The following THRAP3 variants were observed in gnomAD, a reference collection of about 807,000 sequenced individuals.
THRAP3 encodes the protein thyroid hormone receptor-associated protein 3.
THRAP3 carries 16 observed loss-of-function variants against 101.0 expected under a neutral mutation model. The ratio of observed to expected loss-of-function variants is 0.16; its 90% confidence interval spans 0.11 to 0.24. THRAP3 has a LOEUF of 0.24. Ranked by LOEUF, THRAP3 falls within the 10% of genes least tolerant of loss-of-function variation. The probability of loss-of-function intolerance (pLI) is 1.00; values close to 1 mark genes in which losing one functional copy is unlikely to be tolerated. For synonymous variants in THRAP3, 407 were observed against 422.6 expected, an observed-to-expected ratio of 0.96 and a Z score of 0.45; for missense variants, 989 against 1,202.7, an observed-to-expected ratio of 0.82 and a Z score of 2.63.
In THRAP3 at chr1:36,241,288, T is replaced by A. The variant is rs192258093; in HGVS notation, c.-135+16783T>A. Reference sequence around the variant, plus strand: ...CTTGTTTTTGTAAACCTGAATTCTCTTTAGAGTACTTCAGGTTTATGTTTA... The same window carrying A: ...CTTGTTTTTGTAAACCTGAATTCTCATTAGAGTACTTCAGGTTTATGTTTA... On this transcript the variant is annotated intron_variant, in intron 1 of 11. Coordinates refer to ENST00000354618, the MANE Select transcript of THRAP3 (RefSeq NM_005119.4). 3.1e-3 allele frequency among the ~76,000 whole-genome samples: 468 copies of A among 150,878 alleles called. 4 individuals are homozygous for A. The highest frequency in any genetic ancestry group is 0.011 in the African/African-American group (450 of 41,186).
At chr1:36,278,293 T>C (rs1327065597) in intron 2 of THRAP3, among the ~76,000 whole-genome samples, 2 of 152,156 alleles carry the variant, frequency 1.3e-5, no homozygotes, top group Non-Finnish European at 2.9e-5. Context: ...CTCAAACTGC[T>C]GACCCCAGGT....
At chr1:36,279,341 A>C (rs1472538814) in intron 2 of THRAP3, among the ~76,000 whole-genome samples, 2 of 152,240 alleles carry the variant, frequency 1.3e-5, no homozygotes, top group Non-Finnish European at 2.9e-5. Context: ...ATAGATAGAT[A>C]TCCCTGAACT....
At position 36,289,503 on chromosome 1, in the gene THRAP3, T is replaced by C. The variant is rs1167932021; in HGVS notation, c.1484T>C (p.Phe495Ser). ...ACAGAGGAGCTGGAGGAGGAGTCTT[T>C]CCCAGAGAGATCCAAAAAGGAAGAT... ...RKTEELEEES[F>S]PERSKKEDRG... Residue 495 changes from phenylalanine to serine, a missense_variant, in exon 5 of 12, where the codon TTC becomes TCC. By Grantham distance (155) the Phe-to-Ser change is radical. Transcript: ENST00000354618. The C allele has an allele frequency of 1.9e-6, 3 of 1,614,076 alleles. No homozygotes were observed. The highest frequency in any genetic ancestry group is 2.5e-6 in the Non-Finnish European group (3 of 1,180,020).
At chr1:36,224,149 G>A (rs1004812821), upstream of THRAP3, among the ~76,000 whole-genome samples, 8 of 152,220 alleles carry the variant, frequency 5.3e-5, no homozygotes, top group Admixed American at 5.2e-4. Flanking sequence ...CAAAATGGTG[G>A]GGGCAGTGGC....
intron 11 of THRAP3, among the ~76,000 whole-genome samples, chr1:36,302,969 C>T (rs945165641): frequency 3.3e-5 from 5 of 152,108 alleles, no homozygotes; most frequent in African/African-American, 1.2e-4. Flanking sequence ...AAAGCCCCAG[C>T]CCCAACATTG....
At chr1:36,210,520 C>A in the THRAP3 span, among the ~76,000 whole-genome samples, 1 of 146,696 alleles carries the variant, frequency 6.8e-6, no homozygotes, top group Non-Finnish European at 1.5e-5. Flanking sequence ...GAAACCCTGT[C>A]TCTACTAAAA....
chr1:36,288,214 A>G (rs971444536), intron 4 of THRAP3: 16 of 839,884 alleles, frequency 1.9e-5, no homozygotes, highest in Non-Finnish European at 2.2e-5. Flanking sequence ...TTACATGGAT[A>G]AGTTTGTTAA....
chr1:36,246,408 T>C (rs965952203), intron 1 of THRAP3, among the ~76,000 whole-genome samples: 3 of 152,174 alleles, frequency 2.0e-5, no homozygotes, highest in Non-Finnish European at 4.4e-5. Flanking sequence ...AATTTTTGTA[T>C]CTTTAGTAGA....
chr1:36,254,989 C>T (rs1645354204), intron 1 of THRAP3, among the ~76,000 whole-genome samples: 1 of 152,078 alleles, frequency 6.6e-6, no homozygotes, highest in African/African-American at 2.4e-5. Context: ...ATCTTGGTTT[C>T]CACTGATACC....
intron 7 of THRAP3, among the ~76,000 whole-genome samples, chr1:36,293,299 G>A (rs542871619): frequency 6.6e-6 from 1 of 152,268 alleles, no homozygotes; most frequent in African/African-American, 2.4e-5. Context: ...AAAGTGCTGG[G>A]ATTACAGGCG....
At chr1:36,298,784 G>A (rs1303006158) in intron 9 of THRAP3, among the ~76,000 whole-genome samples, 2 of 151,744 alleles carry the variant, frequency 1.3e-5, no homozygotes, top group East Asian at 3.9e-4. Flanking sequence ...GGGATTACAG[G>A]CATGAGCTAC....
At chr1:36,232,030 A>G (rs1234819120) in intron 1 of THRAP3, among the ~76,000 whole-genome samples, 2 of 152,062 alleles carry the variant, frequency 1.3e-5, no homozygotes. Flanking sequence ...TAGCTTGACC[A>G]ACATGGCGAA....
At chr1:36,292,562 G>A in intron 6 of THRAP3, 36 bp from the exon 7 acceptor site, 1 of 1,549,866 alleles carries the variant, frequency 6.5e-7, no homozygotes, top group Non-Finnish European at 8.9e-7. Flanking sequence ...GAGCCACCAT[G>A]CCTGGCCCAT....
At chr1:36,234,807 C>CTTTTTTTTTTT (rs35278020) in intron 1 of THRAP3, among the ~76,000 whole-genome samples, 6 of 72,482 alleles carry the variant, frequency 8.3e-5, no homozygotes, top group Non-Finnish European at 1.2e-4. Context: ...CTGTTTCAGT[C>CTTTTTTTTTTT]TTTTTTTTTT....
the THRAP3 span, among the ~76,000 whole-genome samples, chr1:36,213,309 G>A: frequency 6.6e-6 from 1 of 152,074 alleles, no homozygotes; most frequent in Non-Finnish European, 1.5e-5. Flanking sequence ...TGGATGGAGA[G>A]AGAGGCCTGG....
chr1:36,289,387 C>A lies in THRAP3; in HGVS notation c.1368C>A (p.Val456=), dbSNP rs1270006604. ...ATGAACCCAAATTTATGTCTAAAGT[C>A]ATAGGTGCAAACAAAAACCAGGAGG... The part of the protein sequence containing the change: ...FDDEPKFMSK[V]IGANKNQEEE... Residue 456 remains valine (V), a synonymous_variant, in exon 5 of 12, where the codon GTC becomes GTA. Coordinates refer to ENST00000354618, the MANE Select transcript of THRAP3 (RefSeq NM_005119.4). 1 of 1,614,112 alleles carries A rather than the reference C, an allele frequency of 6.2e-7. No individual in the cohort carries two copies. Among genetic ancestry groups the A allele is most frequent in the South Asian group, 1.1e-5 (1 of 91,076 alleles).
chr1:36,275,024 A>G lies in THRAP3; in HGVS notation c.-31-7509A>G, dbSNP rs1413637920. On this transcript the variant is annotated intron_variant, in intron 2 of 11. Transcript: ENST00000354618. ...CGCGGTGGCTCACACCTGTAATCCCAGCACTTTGGGAGGCTGGGGCAGGGG... is the reference window on the plus strand; with the variant it reads ...CGCGGTGGCTCACACCTGTAATCCCGGCACTTTGGGAGGCTGGGGCAGGGG... Among the ~76,000 whole-genome samples, 9 of 148,982 alleles carry G rather than the reference A, an allele frequency of 6.0e-5. No homozygotes were observed. The South Asian group carries it at 9.1e-4, about 15-fold the overall frequency.
the THRAP3 span, among the ~76,000 whole-genome samples, chr1:36,210,520 C>G: frequency 3.4e-4 from 50 of 146,778 alleles, no homozygotes; most frequent in East Asian, 4.0e-4. Context: ...GAAACCCTGT[C>G]TCTACTAAAA....
intron 5 of THRAP3, among the ~76,000 whole-genome samples, chr1:36,290,890 A>G (rs4653175): frequency 0.19 from 28,911 of 152,134 alleles, 3,110 homozygotes; most frequent in Non-Finnish European, 0.24. Flanking sequence ...CTGGAAGTCT[A>G]TGTGAACAGC....
Sources: allele counts gnomAD v4.1 joint callset (sites outside exome capture counted in the v4.1 genomes callset), GRCh38; gene constraint gnomAD v4.1.1; transcripts MANE v1.5; gene names NCBI Gene and HGNC (gene_info 2026-07-23, HGNC 2026-07-21).